The following QTGAL variants were observed in gnomAD, a reference collection of about 807,000 sequenced individuals.
The protein encoded by QTGAL is queuosine-tRNA galactosyltransferase, also known as BGnT-like protein 1.
At chr17:82,995,556 A>G in the QTGAL span, among the ~76,000 whole-genome samples, 2 of 151,954 alleles carry the variant, frequency 1.3e-5, no homozygotes, top group Non-Finnish European at 2.9e-5. Flanking sequence ...CTAATTTTGT[A>G]TATTTTAAGT....
chr17:82,982,010 G>A, the QTGAL span, among the ~76,000 whole-genome samples: 368 of 151,656 alleles, frequency 2.4e-3, 2 homozygotes, highest in Non-Finnish European at 4.3e-3. Flanking sequence ...GTGATGGGCC[G>A]AGCGGGTGGA....
the QTGAL span, among the ~76,000 whole-genome samples, chr17:83,033,232 A>G: frequency 3.2e-4 from 49 of 152,276 alleles, no homozygotes; most frequent in African/African-American, 1.1e-3. Flanking sequence ...TATAAACATC[A>G]CAGTGACTCC....
At chr17:83,049,543 G>C in the QTGAL span, among the ~76,000 whole-genome samples, 2 of 151,304 alleles carry the variant, frequency 1.3e-5, no homozygotes, top group Admixed American at 6.6e-5. Context: ...CTCCCGAGTA[G>C]CTGGGATTAC....
chr17:83,011,508 A>T, the QTGAL span: 4 of 152,270 alleles, frequency 2.6e-5, no homozygotes, highest in African/African-American at 4.8e-5. Flanking sequence ...CAGCAACTGC[A>T]AATTAAGATT....
the QTGAL span, among the ~76,000 whole-genome samples, chr17:82,988,073 G>GT: frequency 1.3e-5 from 2 of 152,136 alleles, no homozygotes; most frequent in Non-Finnish European, 2.9e-5. Context: ...CTCTCTGCTT[G>GT]TCTACTGTTG....
the QTGAL span, among the ~76,000 whole-genome samples, chr17:82,973,990 G>A: frequency 1.3e-5 from 2 of 152,156 alleles, no homozygotes; most frequent in Non-Finnish European, 2.9e-5. Flanking sequence ...CCAGCCCCTT[G>A]CCCCATGGGG....
the QTGAL span, among the ~76,000 whole-genome samples, chr17:83,033,371 G>C: frequency 2.6e-4 from 39 of 152,184 alleles, no homozygotes; most frequent in African/African-American, 9.4e-4. Context: ...TGCCAAGAAG[G>C]AAGCTGAGGA....
At chr17:83,011,250 G>A in the QTGAL span, among the ~76,000 whole-genome samples, 1 of 152,246 alleles carries the variant, frequency 6.6e-6, no homozygotes, top group Non-Finnish European at 1.5e-5. Flanking sequence ...AAGTTACAGG[G>A]CGCAATGCGG....
the QTGAL span, among the ~76,000 whole-genome samples, chr17:83,037,216 G>A: frequency 3.3e-5 from 5 of 152,144 alleles, no homozygotes; most frequent in African/African-American, 4.8e-5. The surrounding 1 kb of genome is among the most constrained non-coding windows in gnomAD (Gnocchi z 5.2). Context: ...GCACTCTCCC[G>A]TCTCCACTAC....
the QTGAL span, among the ~76,000 whole-genome samples, chr17:82,984,291 C>CAT: frequency 1.9e-5 from 1 of 51,666 alleles, no homozygotes; most frequent in Non-Finnish European, 3.5e-5. Flanking sequence ...CGTGAGCACA[C>CAT]GGGGGAGAGG....
the QTGAL span, among the ~76,000 whole-genome samples, chr17:83,015,091 G>A: frequency 6.9e-6 from 1 of 145,548 alleles, no homozygotes; most frequent in African/African-American, 2.6e-5. This position sits in a 1 kb window ranked among gnomAD's most constrained non-coding sequence, Gnocchi z 4.4. Flanking sequence ...ACCGTCTGCG[G>A]TGAGGACCTG....
At chr17:82,959,369 G>A in the QTGAL span, among the ~76,000 whole-genome samples, 41 of 149,498 alleles carry the variant, frequency 2.7e-4, no homozygotes, top group Non-Finnish European at 5.8e-4. Context: ...GCACGTGAGT[G>A]CGTGTGTGCA....
the QTGAL span, chr17:83,014,420 A>C: frequency 1.0e-5 from 16 of 1,601,364 alleles, no homozygotes; most frequent in Middle Eastern, 1.7e-4. Context: ...ATTTCACTAA[A>C]GGTAGTAACG....
the QTGAL span, among the ~76,000 whole-genome samples, chr17:83,046,894 A>G: frequency 0.2 from 30,056 of 152,226 alleles, 3,120 homozygotes; most frequent in Non-Finnish European, 0.23. Context: ...CTCCCAGAAA[A>G]AGGAACGGAG....
the QTGAL span, among the ~76,000 whole-genome samples, chr17:82,970,526 A>AGCGTGGACATGACCTCCGCACCCG: frequency 2.8e-4 from 34 of 122,202 alleles, no homozygotes; most frequent in South Asian, 7.3e-4. Flanking sequence ...CTCCCCACCC[A>AGCGTGGACATGACCTCCGCACCCG]GCGTGGCCGC....
At chr17:82,961,843 C>T in the QTGAL span, among the ~76,000 whole-genome samples, 4 of 152,240 alleles carry the variant, frequency 2.6e-5, no homozygotes, top group East Asian at 3.8e-4. Flanking sequence ...GAACCTGGGC[C>T]CTGCTTTCCC....
chr17:83,005,247 G>T, the QTGAL span: 1 of 1,546,444 alleles, frequency 6.5e-7, no homozygotes, highest in African/African-American at 1.4e-5. The surrounding 1 kb of genome is among the most constrained non-coding windows in gnomAD (Gnocchi z 5.6). Context: ...TCAAAACAAA[G>T]TCAGGTACGC....
the QTGAL span, among the ~76,000 whole-genome samples, chr17:82,990,165 G>A: frequency 2.6e-5 from 4 of 152,220 alleles, no homozygotes; most frequent in African/African-American, 9.7e-5. Flanking sequence ...TATGCATTCT[G>A]CATGCCCTCT....
At chr17:83,008,501 C>A in the QTGAL span, among the ~76,000 whole-genome samples, 1 of 152,176 alleles carries the variant, frequency 6.6e-6, no homozygotes, top group Non-Finnish European at 1.5e-5. Flanking sequence ...GGGGGCTGTG[C>A]TCCCTAAGTT....
Sources: gnomAD v4.1 joint callset for allele counts (sites outside exome capture counted in the v4.1 genomes callset) on GRCh38, gnomAD v4.1.1 for gene constraint, Gnocchi (gnomAD v3.1) non-coding constraint, MANE v1.5 for transcripts, NCBI Gene and HGNC (gene_info 2026-07-23, HGNC 2026-07-21) for gene names.